ZBTB20: variants seen among roughly 807,000 people sequenced by gnomAD.
The protein encoded by ZBTB20 is zinc finger and BTB domain containing 20, also known as zinc finger and BTB domain-containing protein 20.
ZBTB20 carries 9 observed loss-of-function variants against 56.9 expected under a neutral mutation model. The ratio of observed to expected loss-of-function variants is 0.16; its 90% CI spans 0.10 to 0.28. The LOEUF (loss-of-function observed/expected upper bound fraction) is 0.28, where lower values mean the gene tolerates loss of function less well. ZBTB20 is among the 10% of genes least tolerant of loss of function. The pLI, the probability that ZBTB20 is intolerant of heterozygous loss-of-function variation, is 1.00. For synonymous variants in ZBTB20, 417 were observed against 420.7 expected, an observed-to-expected ratio of 0.99 and a Z score of 0.11; for missense variants, 655 against 1,003.0, an observed-to-expected ratio of 0.65 and a Z score of 4.69.
chr3:114,529,889 T>G (rs1307469679), intron 6 of ZBTB20, among the ~76,000 whole-genome samples: 2 of 152,260 alleles, frequency 1.3e-5, no homozygotes, highest in South Asian at 2.1e-4. Flanking sequence ...AAATTCGTAG[T>G]AGTAATTCTC....
chr3:115,111,829 T>C (rs1215559162), intron 1 of ZBTB20, among the ~76,000 whole-genome samples: 2 of 152,156 alleles, frequency 1.3e-5, no homozygotes, highest in East Asian at 1.9e-4. Flanking sequence ...AATGTTACCA[T>C]GACTAATCAA....
At chr3:114,574,033 T>C (rs371116124) in intron 6 of ZBTB20, among the ~76,000 whole-genome samples, 1 of 152,190 alleles carries the variant, frequency 6.6e-6, no homozygotes, top group South Asian at 2.1e-4. Context: ...TATATATATT[T>C]ATTTGTATCT....
intron 6 of ZBTB20, among the ~76,000 whole-genome samples, chr3:114,513,243 C>A (rs558716337): frequency 6.6e-6 from 1 of 152,114 alleles, no homozygotes; most frequent in Admixed American, 6.6e-5. Context: ...TACCATTATT[C>A]CACCTCTATG....
chr3:114,696,144 G>T (rs1374554204), intron 5 of ZBTB20, among the ~76,000 whole-genome samples: 1 of 151,900 alleles, frequency 6.6e-6, no homozygotes, highest in African/African-American at 2.4e-5. Context: ...CCTCACATTT[G>T]GGCAATAATA....
In ZBTB20 at chr3:114,354,738, C is replaced by T. The variant is rs111844106; in HGVS notation, c.200-2860G>A. On this transcript the variant is annotated intron_variant, in intron 10 of 11. Transcript: ENST00000675478. Reference sequence around the variant, plus strand: ...CTGGGATTACAGGCATGCACCACCACACCTGGCTAATTTTTGTATTTTTAG... The same window carrying T: ...CTGGGATTACAGGCATGCACCACCATACCTGGCTAATTTTTGTATTTTTAG... 2.8e-3 allele frequency among the ~76,000 whole-genome samples: 422 copies of T among 152,132 alleles called. 3 individuals carry two copies. The highest frequency in any genetic ancestry group is 9.8e-3 in the African/African-American group (408 of 41,524).
intron 5 of ZBTB20, among the ~76,000 whole-genome samples, chr3:114,794,993 C>T (rs2108819446): frequency 6.6e-6 from 1 of 152,140 alleles, no homozygotes; most frequent in Middle Eastern, 3.4e-3. Context: ...CTCTACATTA[C>T]ACAACAGCCA....
Position 114,384,100 on chromosome 3 carries a change from TTCTC to T in ZBTB20, c.-153-3164_-153-3161del, listed in dbSNP as rs57746371. On this transcript the variant is annotated intron_variant, in intron 8 of 11. Coordinates refer to ENST00000675478, the MANE Select transcript of ZBTB20 (RefSeq NM_001348800.3). ...TCAGTCTCTTTCTTTTCAGTTCTCA[TTCTC>T]TCTCTCTCTCTCTCTCTCTCTCTCA... Among the ~76,000 whole-genome samples the T allele has an allele frequency of 1.7e-3, 234 of 139,238 alleles. 2 individuals are homozygous for T. Among genetic ancestry groups the T allele is most frequent in the Middle Eastern group, 7.5e-3 (2 of 268 alleles). 91.3% of individuals were successfully genotyped at this position (139,238 alleles called of 152,430 possible).
At chr3:114,484,855 G>A (rs113869614) in intron 7 of ZBTB20, among the ~76,000 whole-genome samples, 4,756 of 151,984 alleles carry the variant, frequency 0.031, 113 homozygotes, top group Non-Finnish European at 0.052. Flanking sequence ...GTGCACGCAC[G>A]CACGTGTATG....
chr3:114,736,621 G>A (rs1416340678), intron 5 of ZBTB20, among the ~76,000 whole-genome samples: 1 of 152,104 alleles, frequency 6.6e-6, no homozygotes, highest in Non-Finnish European at 1.5e-5. Flanking sequence ...CTAAACATAA[G>A]AGAATTTACT....
chr3:115,091,831 A>T (rs1453974504), intron 1 of ZBTB20, among the ~76,000 whole-genome samples: 1 of 152,004 alleles, frequency 6.6e-6, no homozygotes, highest in African/African-American at 2.4e-5. Flanking sequence ...GTTCTGGAGG[A>T]TGAATAAGAC....
At chr3:114,958,067 C>T (rs1403965686) in intron 3 of ZBTB20, among the ~76,000 whole-genome samples, 3 of 152,198 alleles carry the variant, frequency 2.0e-5, no homozygotes, top group African/African-American at 4.8e-5. Context: ...AGTGTCTCTA[C>T]ACAAATATCT....
At chr3:114,434,117 G>A (rs901343422) in intron 7 of ZBTB20, among the ~76,000 whole-genome samples, 4 of 152,110 alleles carry the variant, frequency 2.6e-5, no homozygotes, top group African/African-American at 9.7e-5. Flanking sequence ...CTAGAAGTTG[G>A]CATTATAAGA....
intron 7 of ZBTB20, among the ~76,000 whole-genome samples, chr3:114,489,905 TTTA>T (rs2042550094): frequency 6.6e-6 from 1 of 152,170 alleles, no homozygotes; most frequent in South Asian, 2.1e-4. Flanking sequence ...AAGCTATCAT[TTTA>T]TAATGCTTAA....
Position 115,067,404 on chromosome 3 carries a change from A to T in ZBTB20, c.-507+3815T>A, listed in dbSNP as rs549661621. ...GTCATGAGTGCCTCTTAAAAAATTTATATATATACACACATTTTTCTGCAG... is the reference window on the plus strand; with the variant it reads ...GTCATGAGTGCCTCTTAAAAAATTTTTATATATACACACATTTTTCTGCAG... On this transcript the variant is annotated intron_variant, in intron 2 of 11. Coordinates refer to ENST00000675478, the MANE Select transcript of ZBTB20 (RefSeq NM_001348800.3). 5.9e-5 allele frequency among the ~76,000 whole-genome samples: 9 copies of T among 152,142 alleles called. No individual in the cohort carries two copies. The South Asian group carries it at 1.9e-3, about 32-fold the overall frequency.
chr3:114,384,212 G>A (rs1162311784), intron 8 of ZBTB20, among the ~76,000 whole-genome samples: 1 of 149,216 alleles, frequency 6.7e-6, no homozygotes, highest in Non-Finnish European at 1.5e-5. Context: ...TATACACTCT[G>A]ATGAAGTCGC....
chr3:114,590,989 T>G (rs1022680862), intron 6 of ZBTB20, among the ~76,000 whole-genome samples: 1 of 152,234 alleles, frequency 6.6e-6, no homozygotes, highest in Non-Finnish European at 1.5e-5. Context: ...ATTTTGTCAT[T>G]ATCAGACCTC....
At chr3:114,691,794 T>C (rs2062712564) in intron 6 of ZBTB20, among the ~76,000 whole-genome samples, 1 of 152,120 alleles carries the variant, frequency 6.6e-6, no homozygotes, top group Admixed American at 6.6e-5. Flanking sequence ...ATTTAAATTA[T>C]AGAAATAATT....
intron 3 of ZBTB20, among the ~76,000 whole-genome samples, chr3:114,923,839 G>GT (rs2076051367): frequency 6.6e-6 from 1 of 151,976 alleles, no homozygotes; most frequent in East Asian, 1.9e-4. Context: ...TATTCAGAAT[G>GT]TATGTAGAAC....
intron 6 of ZBTB20, among the ~76,000 whole-genome samples, chr3:114,632,650 T>G (rs2107841886): frequency 6.6e-6 from 1 of 152,328 alleles, no homozygotes; most frequent in Middle Eastern, 3.4e-3. Context: ...AAAATGAAAT[T>G]CTATTGTATT....
Sources: gnomAD v4.1 joint callset for allele counts (sites outside exome capture counted in the v4.1 genomes callset) on GRCh38, gnomAD v4.1.1 for gene constraint, MANE v1.5 for transcripts, NCBI Gene and HGNC (gene_info 2026-07-23, HGNC 2026-07-21) for gene names.